The following ACOT13 variants were observed in gnomAD, a reference collection of about 807,000 sequenced individuals.
The protein encoded by ACOT13 is acyl-CoA thioesterase 13.
A neutral mutation model predicts 11.8 loss-of-function variants in ACOT13; 10 were observed. The observed-to-expected ratio is 0.85, with a 90% CI of 0.53 to 1.44. ACOT13 has a LOEUF of 1.44. Ranked by LOEUF, ACOT13 falls within the 40% of genes most tolerant of loss-of-function variation. The probability of loss-of-function intolerance (pLI) is 0.00; values close to 1 mark genes in which losing one functional copy is unlikely to be tolerated. For missense variants in ACOT13, 172 were observed against 174.1 expected (o/e 0.99, Z 0.07); for synonymous variants, 53 against 61.0 (o/e 0.87, Z 0.61).
intron 1 of ACOT13, among the ~76,000 whole-genome samples, chr6:24,680,798 G>A (rs1778535341): frequency 1.3e-5 from 2 of 152,194 alleles, no homozygotes; most frequent in South Asian, 2.1e-4. Flanking sequence ...TTTCAGAGAG[G>A]TGTAGCGAAC....
chr6:24,671,432 G>A (rs2127621031), intron 1 of ACOT13, among the ~76,000 whole-genome samples: 1 of 151,042 alleles, frequency 6.6e-6, no homozygotes, highest in African/African-American at 2.4e-5. Flanking sequence ...TGGACACAGG[G>A]CAGGGAACAT....
intron 1 of ACOT13, among the ~76,000 whole-genome samples, chr6:24,678,968 C>T (rs1778500635): frequency 6.6e-6 from 1 of 152,220 alleles, no homozygotes; most frequent in Admixed American, 6.5e-5. Flanking sequence ...ACCCTCAGTC[C>T]TGCTGCTGGA....
chr6:24,691,063 A>G (rs1778712048), intron 1 of ACOT13, among the ~76,000 whole-genome samples: 1 of 152,228 alleles, frequency 6.6e-6, no homozygotes, highest in African/African-American at 2.4e-5. Context: ...CCATATGCTT[A>G]ATAACCATTT....
chr6:24,682,848 G>A (rs1008362540), intron 1 of ACOT13, among the ~76,000 whole-genome samples: 2 of 152,224 alleles, frequency 1.3e-5, no homozygotes, highest in Admixed American at 6.5e-5. Flanking sequence ...ACCCAAAGAG[G>A]GTTGCTGTTG....
intron 1 of ACOT13, among the ~76,000 whole-genome samples, chr6:24,671,736 G>A (rs943904471): frequency 2.6e-5 from 4 of 152,084 alleles, no homozygotes; most frequent in East Asian, 1.9e-4. Flanking sequence ...ACAATTGTGC[G>A]TGGATGACTA....
rs138986814 is a variant in ACOT13 at position 24,698,042 on chromosome 6, G to A, written c.241G>A (p.Gly81Arg). The part of the protein sequence containing the change: ...ALLCTERGAP[G>R]VSVDMNITYM... ...GCTATGCACGGAAAGGGGAGCACCC[G>A]GAGTCAGTGTCGATATGAACATAAC... The change falls in exon 2 of 3, where the codon GGA becomes AGA. Residue 81 changes from glycine to arginine, a missense_variant. Gly to Arg is a moderately radical substitution (Grantham distance 125). Transcript: ENST00000230048. 4.2e-5 allele frequency: 67 copies of A among 1,609,374 alleles called. No homozygotes were observed. The highest frequency in any genetic ancestry group is 4.7e-5 in the Non-Finnish European group (55 of 1,178,224).
At chr6:24,680,244 A>C (rs1778526058) in intron 1 of ACOT13, among the ~76,000 whole-genome samples, 1 of 152,124 alleles carries the variant, frequency 6.6e-6, no homozygotes, top group African/African-American at 2.4e-5. Context: ...ATGGTGTTAT[A>C]ATTTATACTT....
At chr6:24,671,145 A>C (rs1472744087) in intron 1 of ACOT13, among the ~76,000 whole-genome samples, 2 of 152,186 alleles carry the variant, frequency 1.3e-5, no homozygotes, top group Non-Finnish European at 2.9e-5. Flanking sequence ...TCATGCTACG[A>C]TAAAGACACA....
intron 1 of ACOT13, among the ~76,000 whole-genome samples, chr6:24,689,844 A>C (rs191745420): frequency 2.6e-5 from 4 of 152,322 alleles, no homozygotes; most frequent in African/African-American, 9.6e-5. Context: ...CATATTTTAG[A>C]GGAAAGGAAT....
At chr6:24,694,916 A>C (rs1003968971) in intron 1 of ACOT13, among the ~76,000 whole-genome samples, 8 of 152,200 alleles carry the variant, frequency 5.3e-5, no homozygotes, top group African/African-American at 1.9e-4. Flanking sequence ...TACTAGAAAA[A>C]TCTAACTGAC....
At chr6:24,689,286 A>G (rs1778686190) in intron 1 of ACOT13, among the ~76,000 whole-genome samples, 1 of 152,204 alleles carries the variant, frequency 6.6e-6, no homozygotes, top group South Asian at 2.1e-4. Flanking sequence ...ATTTTAAGAA[A>G]TAGTTTGATA....
intron 1 of ACOT13, among the ~76,000 whole-genome samples, chr6:24,690,493 A>G (rs555244950): frequency 4.6e-4 from 70 of 152,336 alleles, no homozygotes; most frequent in African/African-American, 1.5e-3. Flanking sequence ...ATTCAATAAA[A>G]TCTGCCACTT....
chr6:24,684,107 GAAAC>G (rs1778594302), intron 1 of ACOT13, among the ~76,000 whole-genome samples: 1 of 152,104 alleles, frequency 6.6e-6, no homozygotes, highest in Admixed American at 6.5e-5. Flanking sequence ...GTCCCCTCCT[GAAAC>G]ACAACTCTCA....
rs1282193920 is a variant in ACOT13 at position 24,686,585 on chromosome 6, TTTCC to T, written c.82-11287_82-11284del. On this transcript the variant is annotated intron_variant, in intron 1 of 2. Transcript: ENST00000230048. ...TTTTATTCTATTCTTTTTTCTTTTC[TTTCC>T]TTCCTTCCTTTCTTTCTTTTCTTCC... 1.5e-4 allele frequency among the ~76,000 whole-genome samples: 22 copies of T among 151,426 alleles called. 1 individual carries two copies. The highest frequency in any genetic ancestry group is 4.0e-4 in the East Asian group (2 of 5,026).
Position 24,688,539 on chromosome 6 carries a change from C to CAAA in ACOT13, c.82-9326_82-9324dup, listed in dbSNP as rs34225480. On this transcript the variant is annotated intron_variant, in intron 1 of 2. Transcript: ENST00000230048. ...TGGACAACAAAGTGAGACCCTGTCT[C>CAAA]AAAAAAAAAAAAAAAAAAAATTGTG... is the stretch of plus-strand genomic sequence containing the variant. Among the ~76,000 whole-genome samples, 12 of 82,296 alleles carry CAAA rather than the reference C, an allele frequency of 1.5e-4. 1 individual carries two copies. The highest frequency in any genetic ancestry group is 5.7e-4 in the East Asian group (2 of 3,536). 54.0% of individuals were successfully genotyped at this position (82,296 alleles called of 152,430 possible). A position where few individuals can be genotyped will look rare whatever the true frequency, so the allele number is the denominator to read the frequency against.
chr6:24,670,113 C>T (rs549851630), intron 1 of ACOT13, among the ~76,000 whole-genome samples: 2 of 152,180 alleles, frequency 1.3e-5, no homozygotes, highest in Non-Finnish European at 1.5e-5. Flanking sequence ...AACAATTTTT[C>T]TCTCTCCAGT....
At position 24,704,811 on chromosome 6, in the gene ACOT13, G is replaced by A. The variant is rs1039724166; in HGVS notation, c.*3196G>A. On this transcript the variant is annotated 3_prime_UTR_variant, in exon 3 of 3. Coordinates refer to ENST00000230048, the MANE Select transcript of ACOT13 (RefSeq NM_018473.4). ...CACAGACTATGAAATAATTCTCTAAGGTGACCAGTAACATCAGTGAAATGG... is the reference window on the plus strand; with the variant it reads ...CACAGACTATGAAATAATTCTCTAAAGTGACCAGTAACATCAGTGAAATGG... 4.6e-5 allele frequency: 7 copies of A among 152,098 alleles called. No homozygotes were observed. Among genetic ancestry groups the A allele is most frequent in the Non-Finnish European group, 1.0e-4 (7 of 68,006 alleles). 9.4% of individuals were successfully genotyped at this position (152,098 alleles called of 1,614,324 possible).
At chr6:24,672,231 TGA>T (rs200357838) in intron 1 of ACOT13, among the ~76,000 whole-genome samples, 4,608 of 152,312 alleles carry the variant, frequency 0.03, 107 homozygotes, top group Middle Eastern at 0.068. Context: ...CTTCATTCTT[TGA>T]GAGAGGGGAC....
chr6:24,683,165 G>A (rs1300703045), intron 1 of ACOT13, among the ~76,000 whole-genome samples: 1 of 151,760 alleles, frequency 6.6e-6, no homozygotes, highest in African/African-American at 2.4e-5. Context: ...CAAAGGTCAG[G>A]GGCACCTCCA....
Sources: allele counts gnomAD v4.1 joint callset (sites outside exome capture counted in the v4.1 genomes callset), GRCh38; gene constraint gnomAD v4.1.1; transcripts MANE v1.5; gene names NCBI Gene and HGNC (gene_info 2026-07-23, HGNC 2026-07-21).